The following CFDP1 variants were observed in gnomAD, a reference collection of about 807,000 sequenced individuals.
CFDP1 encodes the protein heterochromatin-stabilizing protein CFDP1.
Under a neutral mutation model 40.1 loss-of-function variants are expected in CFDP1, and 31 were observed. The ratio of observed to expected loss-of-function variants is 0.77; its 90% CI spans 0.58 to 1.04. The LOEUF (loss-of-function observed/expected upper bound fraction) is 1.04. Among genes scored for constraint, CFDP1 ranks in the 50% least tolerant of loss-of-function variants. The probability of loss-of-function intolerance (pLI) is 0.00; values close to 1 mark genes in which losing one functional copy is unlikely to be tolerated. For missense variants in CFDP1, 423 were observed against 343.4 expected (o/e 1.23, Z -1.83); for synonymous variants, 167 against 120.0 (o/e 1.39, Z -2.56).
intron 5 of CFDP1, among the ~76,000 whole-genome samples, chr16:75,349,155 C>T (rs2078590274): frequency 6.6e-6 from 1 of 152,122 alleles, no homozygotes; most frequent in Non-Finnish European, 1.5e-5. Flanking sequence ...CATCCATGAG[C>T]CACTGCACCA....
chr16:75,383,098 G>GA (rs1300425753), intron 5 of CFDP1, among the ~76,000 whole-genome samples: 8 of 152,170 alleles, frequency 5.3e-5, no homozygotes, highest in Non-Finnish European at 1.2e-4. Flanking sequence ...TCAATGATGG[G>GA]AAAATATTGG....
In CFDP1 at chr16:75,433,452, G is replaced by A. The variant is rs964232859; in HGVS notation, c.-100C>T. The stretch of plus-strand genomic sequence containing the variant: ...ACCATAGAGCCCCGGCGGCGGCGAC[G>A]GCAGCTAGGGCGGCCCCCGACAGCG... On this transcript the variant is annotated 5_prime_UTR_variant, in exon 1 of 7. Coordinates refer to ENST00000283882, the MANE Select transcript of CFDP1 (RefSeq NM_006324.3). 5.8e-5 allele frequency: 67 copies of A among 1,164,126 alleles called. No homozygotes were observed. The highest frequency in any genetic ancestry group is 2.6e-4 in the Middle Eastern group (1 of 3,904). The allele number at this position is 1,164,126 out of a possible 1,614,324, so 72.1% of individuals were successfully genotyped here.
At chr16:75,326,970 T>C (rs763778363) in intron 5 of CFDP1, among the ~76,000 whole-genome samples, 82 of 152,020 alleles carry the variant, frequency 5.4e-4, no homozygotes, top group Non-Finnish European at 5.7e-4. Flanking sequence ...AGAGGATGAG[T>C]TCTATCAAAA....
chr16:75,390,549 T>C (rs988139489), intron 5 of CFDP1, among the ~76,000 whole-genome samples: 3 of 152,156 alleles, frequency 2.0e-5, no homozygotes, highest in African/African-American at 7.2e-5. Context: ...GTATTCGGAG[T>C]TGAGCACTCT....
At chr16:75,297,146 T>TTTTGTGTGTGTGTGTGTGTGTGTGTGTG (rs1555551779) in intron 6 of CFDP1, among the ~76,000 whole-genome samples, 8 of 132,986 alleles carry the variant, frequency 6.0e-5, no homozygotes, top group African/African-American at 1.6e-4. Context: ...TTCCCATTTC[T>TTTTGTGTGTGTGTGTGTGTGTGTGTGTG]TGTGTGTGTG....
At chr16:75,351,312 G>T (rs917976937) in intron 5 of CFDP1, among the ~76,000 whole-genome samples, 2 of 152,248 alleles carry the variant, frequency 1.3e-5, no homozygotes, top group Admixed American at 1.3e-4. Context: ...GTAGCAACTG[G>T]CATTCTTATC....
In CFDP1 at chr16:75,412,784, AAGAC is replaced by A. The variant is rs558283621; in HGVS notation, c.183-34_183-31del. ...TCACCAGCAGTCACAGGAAAAAGGAAAGACAGCACAAAACGATTTCAGTTATCCC... is the reference window on the plus strand; with the variant it reads ...TCACCAGCAGTCACAGGAAAAAGGAAAGCACAAAACGATTTCAGTTATCCC... On this transcript the variant is annotated intron_variant, in intron 2 of 6. Coordinates refer to ENST00000283882, the MANE Select transcript of CFDP1 (RefSeq NM_006324.3). 3.0e-5 allele frequency: 47 copies of A among 1,566,458 alleles called. No homozygotes were observed. In the South Asian group the frequency reaches 4.7e-4, roughly 16 times the overall value.
In CFDP1 at chr16:75,338,472, G is replaced by C. The variant is rs193077609; in HGVS notation, c.651-33290C>G. ...GAGTACAGATGAGCATCTTAAAGAT[G>C]AGCATGATCTGGAGGACTGGATTTC... On this transcript the variant is annotated intron_variant, in intron 5 of 6. Transcript: ENST00000283882. Among the ~76,000 whole-genome samples the C allele has an allele frequency of 6.3e-4, 96 of 152,310 alleles. 2 individuals are homozygous for C. The East Asian group carries it at 0.013, about 20-fold the overall frequency.
intron 5 of CFDP1, among the ~76,000 whole-genome samples, chr16:75,351,764 T>A (rs2078612953): frequency 6.6e-6 from 1 of 151,692 alleles, no homozygotes; most frequent in Non-Finnish European, 1.5e-5. Flanking sequence ...TTCCAGCACT[T>A]TGGGAGGCTG....
chr16:75,428,375 GGAGGCC>G (rs2079366317), intron 1 of CFDP1, among the ~76,000 whole-genome samples: 1 of 152,096 alleles, frequency 6.6e-6, no homozygotes, highest in Non-Finnish European at 1.5e-5. Flanking sequence ...CAGCACTTTG[GGAGGCC>G]GAAGCAAGTG....
chr16:75,420,024 G>C (rs903204520), intron 1 of CFDP1, among the ~76,000 whole-genome samples: 9 of 147,976 alleles, frequency 6.1e-5, no homozygotes, highest in African/African-American at 1.8e-4. Context: ...TCCCCTTTCA[G>C]GTAACAGGTA....
intron 5 of CFDP1, among the ~76,000 whole-genome samples, chr16:75,347,359 A>AAAAAAAAAAAAG (rs1555556963): frequency 0.04 from 2,119 of 53,432 alleles, 39 homozygotes; most frequent in Non-Finnish European, 0.048. Flanking sequence ...AAAAAAAAAA[A>AAAAAAAAAAAAG]AAAAAGAAAA....
intron 5 of CFDP1, chr16:75,372,103 A>G (rs2078756583): frequency 6.6e-6 from 1 of 152,214 alleles, no homozygotes; most frequent in Non-Finnish European, 1.5e-5. Context: ...GTTCAAGTCA[A>G]AAGCATATAT....
At chr16:75,361,972 C>A (rs866367313) in intron 5 of CFDP1, among the ~76,000 whole-genome samples, 10 of 152,140 alleles carry the variant, frequency 6.6e-5, no homozygotes, top group Non-Finnish European at 7.3e-5. Context: ...CTGTCTTGAC[C>A]AATAATTCCC....
intron 1 of CFDP1, among the ~76,000 whole-genome samples, chr16:75,432,623 T>C (rs946445773): frequency 1.3e-5 from 2 of 152,084 alleles, no homozygotes; most frequent in African/African-American, 4.8e-5. Context: ...GTTAGTCTGT[T>C]TGTTTCTTGT....
At chr16:75,415,990 T>C (rs2079201137) in intron 1 of CFDP1, among the ~76,000 whole-genome samples, 1 of 152,068 alleles carries the variant, frequency 6.6e-6, no homozygotes. Flanking sequence ...GTAGCTGACA[T>C]TACAGAAGTG....
At chr16:75,343,425 A>G (rs1264400400) in intron 5 of CFDP1, among the ~76,000 whole-genome samples, 1 of 152,152 alleles carries the variant, frequency 6.6e-6, no homozygotes, top group Non-Finnish European at 1.5e-5. Flanking sequence ...TGTTGACTCC[A>G]TTTTTTTCCA....
chr16:75,357,309 T>C lies in CFDP1; in HGVS notation c.650+37781A>G, dbSNP rs867655146. ...TCATCCTGTCACCCAGGATGGAGTG[T>C]AGTGGCATGATCTCAGTTCAGTGCA... On this transcript the variant is annotated intron_variant, in intron 5 of 6. Coordinates refer to ENST00000283882, the MANE Select transcript of CFDP1 (RefSeq NM_006324.3). Among the ~76,000 whole-genome samples the C allele has an allele frequency of 3.3e-5, 5 of 152,106 alleles. No individual in the cohort carries two copies. The South Asian group carries it at 1.0e-3, about 32-fold the overall frequency.
chr16:75,346,554 G>A (rs1188549070), intron 5 of CFDP1, among the ~76,000 whole-genome samples: 1 of 119,086 alleles, frequency 8.4e-6, no homozygotes, highest in Non-Finnish European at 1.6e-5. Flanking sequence ...CTGCACTCCA[G>A]CCTGGGTGAC....
Sources: gnomAD v4.1 joint callset for allele counts (sites outside exome capture counted in the v4.1 genomes callset) on GRCh38, gnomAD v4.1.1 for gene constraint, MANE v1.5 for transcripts, NCBI Gene and HGNC (gene_info 2026-07-23, HGNC 2026-07-21) for gene names.